KCNC4: variants seen among roughly 807,000 people sequenced by gnomAD.
The protein encoded by KCNC4 is voltage-gated potassium channel KCNC4.
In KCNC4, 23 loss-of-function variants were observed where a neutral mutation model predicts 42.8. That is an observed-to-expected ratio of 0.54 (90% CI 0.39 to 0.76). KCNC4 has a LOEUF of 0.76. Ranked by LOEUF, KCNC4 falls within the 30% of genes least tolerant of loss-of-function variation. KCNC4 has a pLI of 0.00. For missense variants in KCNC4, 751 were observed against 898.2 expected (o/e 0.84, Z 2.10); for synonymous variants, 422 against 393.5 (o/e 1.07, Z -0.86).
At chr1:110,226,856 A>G (rs768663516) in intron 3 of KCNC4, among the ~76,000 whole-genome samples, 2 of 152,164 alleles carry the variant, frequency 1.3e-5, no homozygotes, top group Non-Finnish European at 2.9e-5. Flanking sequence ...CTGAAATTCC[A>G]TCCCCAGGCC....
chr1:110,229,172 C>G (rs1207380434), intron 3 of KCNC4: 1 of 152,314 alleles, frequency 6.6e-6, no homozygotes, highest in East Asian at 1.9e-4. Flanking sequence ...TGTCTGTCCA[C>G]CCCACACCCA....
At chr1:110,262,007 C>T (rs1659463731) in intron 1 of KCNC4, among the ~76,000 whole-genome samples, 1 of 152,302 alleles carries the variant, frequency 6.6e-6, no homozygotes, top group African/African-American at 2.4e-5. Flanking sequence ...TCCATCATTA[C>T]ACAATTTTGC....
downstream of KCNC4, among the ~76,000 whole-genome samples, chr1:110,249,915 T>A (rs935734740): frequency 2.0e-5 from 3 of 152,176 alleles, no homozygotes; most frequent in African/African-American, 7.2e-5. Flanking sequence ...TCTCTCCCAG[T>A]CCCTAGCAAC....
chr1:110,218,897 A>T (rs1448854565), intron 1 of KCNC4, among the ~76,000 whole-genome samples: 1 of 152,120 alleles, frequency 6.6e-6, no homozygotes. Flanking sequence ...AGTTGGGAGG[A>T]GAGGCGCTCT....
At chr1:110,217,270 T>G (rs1657848506) in intron 1 of KCNC4, among the ~76,000 whole-genome samples, 1 of 152,074 alleles carries the variant, frequency 6.6e-6, no homozygotes, top group African/African-American at 2.4e-5. Flanking sequence ...CACCTCTACG[T>G]GGGATGAGGT....
intron 1 of KCNC4, among the ~76,000 whole-genome samples, chr1:110,257,594 G>A (rs1230188916): frequency 4.0e-5 from 6 of 151,800 alleles, no homozygotes; most frequent in Non-Finnish European, 5.9e-5. Context: ...GGTGGCGGGC[G>A]CCTGTAGTCC....
In KCNC4 at chr1:110,210,658, T is replaced by C. The variant is rs1461039617; in HGVS notation, c.-842T>C. Among the ~76,000 whole-genome samples, 1 of 149,370 alleles carries C rather than the reference T, an allele frequency of 6.7e-6. No individual in the cohort carries two copies. Among genetic ancestry groups the C allele is most frequent in the African/African-American group, 2.5e-5 (1 of 40,382 alleles). On this transcript the variant is annotated 5_prime_UTR_variant, in exon 1 of 4. Transcript: ENST00000438661. The stretch of plus-strand genomic sequence containing the variant: ...CCCAGAGCGGCCCCGCCCCCCAGGC[T>C]CGGCGCCGCGCAGGACGCCCCGTCT...
chr1:110,250,501 C>T (rs573095363), downstream of KCNC4, among the ~76,000 whole-genome samples: 2 of 152,278 alleles, frequency 1.3e-5, no homozygotes, highest in African/African-American at 2.4e-5. Context: ...TGATTAGAAA[C>T]TCCCAGGAAA....
intron 1 of KCNC4, among the ~76,000 whole-genome samples, chr1:110,260,823 G>A (rs578242876): frequency 6.6e-6 from 1 of 152,216 alleles, no homozygotes; most frequent in Non-Finnish European, 1.5e-5. Context: ...CCAGCTACTC[G>A]GGAGGCTGAG....
At chr1:110,246,766 C>CTTTTTTTTTTT (rs61165830) in exon 4 of KCNC4, 102 of 139,210 alleles carry the variant, frequency 7.3e-4, no homozygotes, top group African/African-American at 9.2e-4. Context: ...TTTTTCTTTT[C>CTTTTTTTTTTT]TTTTTTTTTT....
At position 110,211,408 on chromosome 1, in the gene KCNC4, T is replaced by C. The variant is rs1657436727; in HGVS notation, c.-92T>C. On this transcript the variant is annotated 5_prime_UTR_variant, in exon 1 of 4. Transcript: ENST00000438661. The surrounding 1 kb of genome is among the most constrained non-coding windows in gnomAD (Gnocchi z 6.5). ...GCCACCGCCTCCTGCCTCCTCTTCG[T>C]CTCCTCCCCCTCCCCCGTCTGACGC... 6.8e-7 allele frequency: 1 copy of C among 1,481,362 alleles called. No individual in the cohort carries two copies. The highest frequency in any genetic ancestry group is 9.0e-7 in the Non-Finnish European group (1 of 1,110,348). The allele number at this position is 1,481,362 out of a possible 1,614,324, so 91.8% of individuals were successfully genotyped here. A position where few individuals can be genotyped will look rare whatever the true frequency, so the allele number is the denominator to read the frequency against.
chr1:110,269,330 C>G (rs1209668511), intron 1 of KCNC4, among the ~76,000 whole-genome samples: 1 of 152,194 alleles, frequency 6.6e-6, no homozygotes, highest in African/African-American at 2.4e-5. Context: ...AAGCCAACAA[C>G]TTCCCCCATC....
exon 4 of KCNC4, chr1:110,239,976 TTGAAG>T (rs1658994520): frequency 1.3e-5 from 2 of 151,910 alleles, no homozygotes; most frequent in Non-Finnish European, 1.5e-5. Context: ...CAGCGAAATG[TTGAAG>T]TGAATGAAGG....
At chr1:110,257,660 G>T (rs1159135205) in intron 1 of KCNC4, among the ~76,000 whole-genome samples, 1 of 145,948 alleles carries the variant, frequency 6.9e-6, no homozygotes, top group African/African-American at 2.6e-5. Context: ...GGTGGAGCTT[G>T]CAGTAAGCCG....
Position 110,233,450 on chromosome 1 carries a change from T to A in KCNC4, c.*478T>A, listed in dbSNP as rs1658812732. On this transcript the variant is annotated 3_prime_UTR_variant, in exon 4 of 4. Coordinates refer to ENST00000438661, the MANE Select transcript of KCNC4 (RefSeq NM_001039574.3). Reference sequence around the variant, plus strand: ...CCTGTCAGCAAGTAACCTGGTGAAGTCTATTGAAGGCCAGACTGCCCCCTA... The same window carrying A: ...CCTGTCAGCAAGTAACCTGGTGAAGACTATTGAAGGCCAGACTGCCCCCTA... 5.1e-6 allele frequency: 1 copy of A among 195,812 alleles called. No homozygotes were observed. Among genetic ancestry groups the A allele is most frequent in the Non-Finnish European group, 1.1e-5 (1 of 94,514 alleles). The allele number at this position is 195,812 out of a possible 1,614,324, so 12.1% of individuals were successfully genotyped here. A position where few individuals can be genotyped will look rare whatever the true frequency, so the allele number is the denominator to read the frequency against.
In KCNC4 at chr1:110,265,405, A is replaced by C. The variant is rs566932193; in HGVS notation, n.31-17129A>C. Reference sequence around the variant, plus strand: ...AATAAAATAAAATAAAATAAAATAAAATAAAATAAAATAAAATATTCCCCA... The same window carrying C: ...AATAAAATAAAATAAAATAAAATAACATAAAATAAAATAAAATATTCCCCA... On this transcript the variant is annotated intron_variant and non_coding_transcript_variant, in intron 1 of 2. Transcript: ENST00000412512. 4.7e-4 allele frequency among the ~76,000 whole-genome samples: 46 copies of C among 98,066 alleles called. 1 individual carries two copies. In the East Asian group the frequency reaches 0.01, roughly 22 times the overall value. 64.3% of individuals were successfully genotyped at this position (98,066 alleles called of 152,430 possible). A position where few individuals can be genotyped will look rare whatever the true frequency, so the allele number is the denominator to read the frequency against.
At chr1:110,218,505 T>C (rs1476477160) in intron 1 of KCNC4, among the ~76,000 whole-genome samples, 1 of 152,204 alleles carries the variant, frequency 6.6e-6, no homozygotes, top group African/African-American at 2.4e-5. Flanking sequence ...TCTTTATTTT[T>C]TTTCATAACC....
rs578230096 is a variant in KCNC4 at position 110,259,059 on chromosome 1, GC to G, written n.31-23474del. ...GCCTTTGCACAGCCTGTCACAGATG[GC>G]TCTGTTTATTTGTGAATCGGAGGTA... is the stretch of plus-strand genomic sequence containing the variant. On this transcript the variant is annotated intron_variant and non_coding_transcript_variant, in intron 1 of 2. Coordinates refer to the KCNC4 transcript ENST00000412512. 1.1e-3 allele frequency among the ~76,000 whole-genome samples: 166 copies of G among 152,326 alleles called. 3 individuals carry two copies. In the South Asian group the frequency reaches 0.019, roughly 17 times the overall value.
chr1:110,227,040 C>T (rs1013603160), intron 3 of KCNC4, among the ~76,000 whole-genome samples: 4 of 152,176 alleles, frequency 2.6e-5, no homozygotes, highest in African/African-American at 9.6e-5. Flanking sequence ...GTCTCTCTTG[C>T]CCTGTCCCTG....
Sources: allele counts gnomAD v4.1 joint callset (sites outside exome capture counted in the v4.1 genomes callset), GRCh38; gene constraint gnomAD v4.1.1; non-coding constraint Gnocchi (gnomAD v3.1); transcripts MANE v1.5; gene names NCBI Gene and HGNC (gene_info 2026-07-23, HGNC 2026-07-21).